The following STX8 variants were observed in gnomAD, a reference collection of about 807,000 sequenced individuals.
The protein encoded by STX8 is syntaxin 8, also known as syntaxin-8.
STX8 carries 23 observed loss-of-function variants against 37.5 expected under a neutral mutation model. The ratio of observed to expected loss-of-function variants is 0.61; its 90% CI spans 0.44 to 0.87. STX8 has a LOEUF of 0.87. Ranked by LOEUF, STX8 falls within the 40% of genes least tolerant of loss-of-function variation. STX8 has a pLI of 0.00. For missense variants in STX8, 313 were observed against 284.7 expected (o/e 1.10, Z -0.71); for synonymous variants, 115 against 99.1 (o/e 1.16, Z -0.95).
chr17:9,562,522 G>A (rs571932676), intron 2 of STX8, among the ~76,000 whole-genome samples: 7 of 151,412 alleles, frequency 4.6e-5, no homozygotes, highest in Non-Finnish European at 8.8e-5. Flanking sequence ...TCCATAATAC[G>A]TGAGGAGCTC....
chr17:9,505,203 G>A (rs1371279178), intron 4 of STX8, 41 bp from the exon 5 acceptor site: 1 of 1,573,552 alleles, frequency 6.4e-7, no homozygotes, highest in Non-Finnish European at 8.6e-7. Flanking sequence ...CTCAAAACAT[G>A]CAGCTCAAAT....
At chr17:9,369,454 GATTA>G (rs72336453) in intron 7 of STX8, among the ~76,000 whole-genome samples, 30,487 of 152,016 alleles carry the variant, frequency 0.2, 3,128 homozygotes, top group Non-Finnish European at 0.22. Flanking sequence ...CTTTGTTCCA[GATTA>G]ATTGCTTATT....
intron 6 of STX8, chr17:9,469,705 T>C (rs1483595710): frequency 6.6e-6 from 1 of 152,218 alleles, no homozygotes; most frequent in Admixed American, 6.5e-5. Flanking sequence ...GGCTCTTTGA[T>C]TGGCTGACAA....
In STX8 at chr17:9,409,818, T is replaced by C. The variant is rs556728138; in HGVS notation, c.542-31165A>G. Among the ~76,000 whole-genome samples, 5 of 152,334 alleles carry C rather than the reference T, an allele frequency of 3.3e-5. No individual in the cohort carries two copies. In the East Asian group the frequency reaches 9.6e-4, roughly 29 times the overall value. ...GAAAAAAAGCCAGGTCAGTGGTTCC[T>C]CCCTTGTGAATGCTTTTATTAGTGA... On this transcript the variant is annotated intron_variant, in intron 6 of 7. Transcript: ENST00000306357.
At chr17:9,350,781 C>T (rs1233937091) in intron 7 of STX8, among the ~76,000 whole-genome samples, 1 of 152,204 alleles carries the variant, frequency 6.6e-6, no homozygotes, top group East Asian at 1.9e-4. Context: ...GATCCACCCG[C>T]CTTGGCCTCC....
chr17:9,522,340 T>C (rs187034435), intron 4 of STX8, among the ~76,000 whole-genome samples: 4 of 152,202 alleles, frequency 2.6e-5, no homozygotes, highest in Admixed American at 2.6e-4. Context: ...CTCTATTACA[T>C]GATGCATGCA....
chr17:9,369,886 CAAAAAAAAAAAAAAAAAAAAAAAAGAAA>C (rs1428739023), intron 7 of STX8, among the ~76,000 whole-genome samples: 1 of 52,154 alleles, frequency 1.9e-5, no homozygotes, highest in Non-Finnish European at 3.7e-5. Context: ...GACCCTGTAC[CAAAAAAAAAAAAAAAAAAAAAAAAGAAA>C]GAAAAAAGAA....
chr17:9,375,721 CATATACAT>C (rs1209406802), intron 7 of STX8, among the ~76,000 whole-genome samples: 2 of 152,112 alleles, frequency 1.3e-5, no homozygotes, highest in Non-Finnish European at 2.9e-5. Context: ...TTGCACCAAC[CATATACAT>C]ATATACCCAC....
intron 2 of STX8, 89 bp from the exon 3 acceptor site, chr17:9,557,617 T>C (rs2151915482): frequency 8.8e-7 from 1 of 1,131,438 alleles, no homozygotes. Context: ...TCACGGGCTA[T>C]GATGCAACCA....
chr17:9,486,963 C>G (rs549511615), intron 6 of STX8, among the ~76,000 whole-genome samples: 5 of 152,248 alleles, frequency 3.3e-5, no homozygotes, highest in Admixed American at 6.5e-5. Flanking sequence ...TTTGTGGCTG[C>G]ATGAGGGGAC....
chr17:9,502,947 A>G (rs185388251), intron 5 of STX8, among the ~76,000 whole-genome samples: 58 of 152,054 alleles, frequency 3.8e-4, no homozygotes, highest in South Asian at 2.1e-4. Context: ...TACTAAAAAT[A>G]CAAAAAAAAT....
intron 7 of STX8, among the ~76,000 whole-genome samples, chr17:9,350,717 G>C (rs899724917): frequency 1.3e-5 from 2 of 152,052 alleles, no homozygotes; most frequent in South Asian, 2.1e-4. Context: ...ATTTTTAGTA[G>C]AGACAGGGCT....
At chr17:9,466,804 C>T (rs906298960) in intron 6 of STX8, among the ~76,000 whole-genome samples, 3 of 152,172 alleles carry the variant, frequency 2.0e-5, no homozygotes, top group Non-Finnish European at 2.9e-5. Flanking sequence ...CACCAACCAC[C>T]TCCGAAGCAT....
intron 4 of STX8, among the ~76,000 whole-genome samples, chr17:9,536,765 T>G (rs1477350840): frequency 6.6e-6 from 1 of 150,778 alleles, no homozygotes; most frequent in African/African-American, 2.5e-5. Context: ...TTTTTTGAGA[T>G]GGGGTTTCAC....
chr17:9,505,212 A>G, intron 4 of STX8, 50 bp from the exon 5 acceptor site: 1 of 1,567,570 alleles, frequency 6.4e-7, no homozygotes. Context: ...TGCAGCTCAA[A>G]TGCAAATTAC....
chr17:9,386,433 G>C (rs1906012933), intron 6 of STX8, among the ~76,000 whole-genome samples: 1 of 152,112 alleles, frequency 6.6e-6, no homozygotes, highest in African/African-American at 2.4e-5. Context: ...TGACTAGAAA[G>C]GGACATGAGG....
At position 9,305,481 on chromosome 17, in the gene STX8, T is replaced by C. The variant is rs117678936; in HGVS notation, c.644-54836A>G. ...CTAATGTCAGTGTCCTGAGTACATT[T>C]AAGGTAAGCTAGGCTAAACTATGAT... On this transcript the variant is annotated intron_variant, in intron 7 of 7. Transcript: ENST00000306357. The C allele has an allele frequency of 1.3e-4, 20 of 152,328 alleles. 1 individual carries two copies. The East Asian group carries it at 3.9e-3, about 29-fold the overall frequency. The allele number at this position is 152,328 out of a possible 1,614,324, so 9.4% of individuals were successfully genotyped here.
intron 4 of STX8, among the ~76,000 whole-genome samples, chr17:9,544,810 G>A (rs1195627554): frequency 1.3e-5 from 2 of 152,204 alleles, no homozygotes; most frequent in East Asian, 1.9e-4. Context: ...GACTAATACG[G>A]TGAAACCCCA....
intron 7 of STX8, among the ~76,000 whole-genome samples, chr17:9,296,670 G>T (rs1048892587): frequency 6.6e-6 from 1 of 150,708 alleles, no homozygotes; most frequent in Non-Finnish European, 1.5e-5. Flanking sequence ...TCTAGATAGC[G>T]AAGACATGAC....
Sources: gnomAD v4.1 joint callset for allele counts (sites outside exome capture counted in the v4.1 genomes callset) on GRCh38, gnomAD v4.1.1 for gene constraint, MANE v1.5 for transcripts, NCBI Gene and HGNC (gene_info 2026-07-23, HGNC 2026-07-21) for gene names.